Variants in WDPCP observed in about 807,000 individuals in gnomAD.
WDPCP encodes WD repeat containing planar cell polarity effector.
A neutral mutation model predicts 93.1 loss-of-function variants in WDPCP; 71 were observed. That is an observed-to-expected ratio of 0.76 (90% CI 0.63 to 0.93). The LOEUF (loss-of-function observed/expected upper bound fraction) is 0.93, where lower values mean the gene tolerates loss of function less well. WDPCP is among the 40% of genes least tolerant of loss of function. The pLI, the probability that WDPCP is intolerant of heterozygous loss-of-function variation, is 0.00. For synonymous variants in WDPCP, 315 were observed against 315.0 expected (o/e 1.00, Z 0.00); for missense variants, 844 against 887.4 (o/e 0.95, Z 0.62).
chr2:63,406,048 G>C (rs1460413125), intron 9 of WDPCP, among the ~76,000 whole-genome samples: 1 of 151,922 alleles, frequency 6.6e-6, no homozygotes, highest in East Asian at 1.9e-4. Context: ...TTACTGTACT[G>C]TTTAACAATT....
intron 10 of WDPCP, among the ~76,000 whole-genome samples, chr2:63,392,155 C>A (rs1268793584): frequency 6.6e-6 from 1 of 152,142 alleles, no homozygotes; most frequent in South Asian, 2.1e-4. Context: ...GCTACAGTAA[C>A]CAAAACAGCA....
intron 12 of WDPCP, among the ~76,000 whole-genome samples, chr2:63,376,103 T>G (rs1469739064): frequency 2.0e-5 from 3 of 152,018 alleles, no homozygotes; most frequent in Non-Finnish European, 2.9e-5. Context: ...AACTTCTTGG[T>G]AGCACATTAA....
At chr2:63,305,348 T>A (rs6729132) in intron 13 of WDPCP, among the ~76,000 whole-genome samples, 6 of 151,968 alleles carry the variant, frequency 3.9e-5, no homozygotes, top group South Asian at 2.1e-4. Context: ...AGAGAGCTCC[T>A]GCTGGCATCT....
At chr2:63,172,855 A>G (rs1459479202) in intron 15 of WDPCP, among the ~76,000 whole-genome samples, 1 of 152,210 alleles carries the variant, frequency 6.6e-6, no homozygotes, top group African/African-American at 2.4e-5. Context: ...TCTCAGGGAA[A>G]AGGCAGAAAG....
At chr2:63,534,844 T>G (rs1704154478) in intron 1 of WDPCP, among the ~76,000 whole-genome samples, 1 of 152,156 alleles carries the variant, frequency 6.6e-6, no homozygotes, top group Non-Finnish European at 1.5e-5. Flanking sequence ...CAACATAGTG[T>G]TGGAAGTTCT....
chr2:63,165,589 AG>A (rs973749832), intron 15 of WDPCP, among the ~76,000 whole-genome samples: 9 of 151,744 alleles, frequency 5.9e-5, no homozygotes, highest in African/African-American at 2.2e-4. Context: ...GCTCTTTTAC[AG>A]GGTAATTTCT....
chr2:63,216,323 A>C (rs1251807951), intron 14 of WDPCP, among the ~76,000 whole-genome samples: 1 of 152,218 alleles, frequency 6.6e-6, no homozygotes, highest in Non-Finnish European at 1.5e-5. Context: ...TCCAACAATG[A>C]TAGACTGGAT....
At chr2:63,792,710 G>A (rs1670562119) in intron 2 of WDPCP, among the ~76,000 whole-genome samples, 1 of 152,124 alleles carries the variant, frequency 6.6e-6, no homozygotes, top group African/African-American at 2.4e-5. Flanking sequence ...AGGACAGGGA[G>A]GTGAGTCAGA....
At chr2:63,372,194 T>G (rs1331412252) in intron 12 of WDPCP, among the ~76,000 whole-genome samples, 2 of 152,162 alleles carry the variant, frequency 1.3e-5, no homozygotes, top group Non-Finnish European at 2.9e-5. Flanking sequence ...TATGGTCATT[T>G]GGGTCATGAG....
chr2:63,377,742 T>C (rs1325906247), intron 12 of WDPCP: 1 of 151,714 alleles, frequency 6.6e-6, no homozygotes, highest in African/African-American at 2.4e-5. Context: ...AAATTATCCA[T>C]GCATTCATCT....
At position 63,339,507 on chromosome 2, in the gene WDPCP, T is replaced by C. The variant is rs114117019; in HGVS notation, c.1749-26196A>G. Among the ~76,000 whole-genome samples, 682 of 152,280 alleles carry C rather than the reference T, an allele frequency of 4.5e-3. 5 individuals are homozygous for C. Among genetic ancestry groups the C allele is most frequent in the African/African-American group, 0.015 (632 of 41,550 alleles). On this transcript the variant is annotated intron_variant, in intron 12 of 17. Coordinates refer to ENST00000272321, the MANE Select transcript of WDPCP (RefSeq NM_015910.7). ...TTTTAGATTGTTTGCTGTTGGTATA[T>C]ATAAGCGCTGCTGATTTTTGTATGT...
chr2:63,730,946 GA>G (rs111256921), intron 2 of WDPCP, among the ~76,000 whole-genome samples: 2,629 of 143,850 alleles, frequency 0.018, 23 homozygotes, highest in African/African-American at 0.019. Flanking sequence ...CCAAGTACAT[GA>G]AAAAAAAAAA....
At chr2:63,717,620 G>C (rs1669357698) in intron 2 of WDPCP, 1 of 526,418 alleles carries the variant, frequency 1.9e-6, no homozygotes, top group Admixed American at 1.9e-5. Context: ...CACCTGCCTA[G>C]TGACCCCATG....
At chr2:63,461,445 G>A (rs1212682138) in intron 6 of WDPCP, among the ~76,000 whole-genome samples, 1 of 152,078 alleles carries the variant, frequency 6.6e-6, no homozygotes, top group Non-Finnish European at 1.5e-5. Context: ...AGCTCCCTGA[G>A]GCTTCACCAG....
intron 1 of WDPCP, among the ~76,000 whole-genome samples, chr2:63,527,372 C>G (rs185460815): frequency 8.6e-6 from 1 of 116,096 alleles, no homozygotes; most frequent in Non-Finnish European, 1.7e-5. Flanking sequence ...CCTCCCCCCA[C>G]CCCCAACCAA....
rs779272205 is a variant in WDPCP at position 63,404,620 on chromosome 2, T to G, written c.863A>C (p.Asp288Ala). ...AGGCTGTTTGGTGCCAAAGCGAACA[T>G]CCAGTGGGTCCCATTCTGTGCGGAC... Reference protein sequence around the residue: ...SSVRTEWDPLDVRFGTKQPYQ... With the variant: ...SSVRTEWDPLAVRFGTKQPYQ... The change falls in exon 10 of 18, where the codon GAT becomes GCT. Residue 288 changes from aspartate (D) to alanine (A), a missense_variant. Physicochemically the swap from Asp to Ala is moderately radical, Grantham distance 126 (BLOSUM62 -2). Coordinates refer to ENST00000272321, the MANE Select transcript of WDPCP (RefSeq NM_015910.7). 1 of 1,614,094 alleles carries G rather than the reference T, an allele frequency of 6.2e-7. No homozygotes were observed. The highest frequency in any genetic ancestry group is 8.5e-7 in the Non-Finnish European group (1 of 1,179,976).
chr2:63,395,346 G>A (rs1693627026), intron 10 of WDPCP, among the ~76,000 whole-genome samples: 1 of 152,084 alleles, frequency 6.6e-6, no homozygotes, highest in South Asian at 2.1e-4. Flanking sequence ...AGTGAACATT[G>A]TACTCAATAG....
chr2:63,338,624 T>A (rs1688626838), intron 12 of WDPCP, among the ~76,000 whole-genome samples: 15 of 124,382 alleles, frequency 1.2e-4, no homozygotes, highest in Non-Finnish European at 1.6e-4. Context: ...ATATGGATAA[T>A]TAGAAAAGAC....
intron 14 of WDPCP, among the ~76,000 whole-genome samples, chr2:63,197,534 A>G (rs1353892165): frequency 6.6e-6 from 1 of 152,236 alleles, no homozygotes; most frequent in African/African-American, 2.4e-5. Context: ...AAAAATATTC[A>G]TACTCTTTGG....
Sources: allele counts gnomAD v4.1 joint callset (sites outside exome capture counted in the v4.1 genomes callset), GRCh38; gene constraint gnomAD v4.1.1; transcripts MANE v1.5; gene names NCBI Gene and HGNC (gene_info 2026-07-23, HGNC 2026-07-21).